The following LMF1 variants were observed in gnomAD, a reference collection of about 807,000 sequenced individuals.
LMF1 encodes lipase maturation factor 1, also known as transmembrane protein 112.
In LMF1, 68 loss-of-function variants were observed where a neutral mutation model predicts 60.6. That is an observed-to-expected ratio of 1.12 (90% CI 0.92 to 1.37). LMF1 has a LOEUF of 1.37. Among genes scored for constraint, LMF1 ranks in the 40% most tolerant of loss-of-function variants. LMF1 has a pLI of 0.00. For missense variants in LMF1, 948 were observed against 767.2 expected, an observed-to-expected ratio of 1.24 and a Z score of -2.78; for synonymous variants, 418 against 324.7, an observed-to-expected ratio of 1.29 and a Z score of -3.09.
At chr16:895,726 G>T (rs1019456723) in intron 4 of LMF1, among the ~76,000 whole-genome samples, 1 of 152,192 alleles carries the variant, frequency 6.6e-6, no homozygotes, top group Non-Finnish European at 1.5e-5. Context: ...AACGGCAGGG[G>T]AGTGGGACCA....
Position 854,950 on chromosome 16 carries a change from G to T in LMF1, c.1530-244C>A. On this transcript the variant is annotated intron_variant, in intron 10 of 10. Transcript: ENST00000262301. ...GGAAGGGCGGACGGGGGGCAGCTCC[G>T]GGAGGGGAGACCCAGCAGGGCCCAC... 5 of 577,986 alleles carry T rather than the reference G, an allele frequency of 8.7e-6. No individual in the cohort carries two copies. In the South Asian group the frequency reaches 9.9e-5, roughly 11 times the overall value. The allele number at this position is 577,986 out of a possible 1,614,324, so 35.8% of individuals were successfully genotyped here.
intron 6 of LMF1, among the ~76,000 whole-genome samples, chr16:875,718 G>T (rs1368893236): frequency 1.3e-5 from 2 of 152,110 alleles, no homozygotes; most frequent in Non-Finnish European, 2.9e-5. Flanking sequence ...CCTGGGCTGT[G>T]TGTCCAGGGG....
At chr16:931,161 C>T (rs944810331) in intron 3 of LMF1, among the ~76,000 whole-genome samples, 61 of 152,132 alleles carry the variant, frequency 4.0e-4, no homozygotes, top group African/African-American at 1.4e-3. Flanking sequence ...GGGGAAGCCA[C>T]AGCTACATGC....
At chr16:938,036 C>A (rs1354318890) in intron 2 of LMF1, among the ~76,000 whole-genome samples, 9 of 145,814 alleles carry the variant, frequency 6.2e-5, no homozygotes, top group African/African-American at 1.3e-4. Flanking sequence ...CAGAAGTTAC[C>A]AAAAAAAAAA....
chr16:980,109 A>C (rs890932936), intron 1 of LMF1: 24 of 279,832 alleles, frequency 8.6e-5, no homozygotes, highest in Admixed American at 7.8e-4. Flanking sequence ...CCGTCTCCCC[A>C]CCGCTGCTTC....
chr16:906,353 G>T (rs534170848), intron 4 of LMF1, among the ~76,000 whole-genome samples: 3 of 152,284 alleles, frequency 2.0e-5, no homozygotes, highest in South Asian at 4.1e-4. Flanking sequence ...TTGGGTCAGG[G>T]GGCTGGGGAA....
chr16:879,475 G>A, intron 6 of LMF1, 95 bp downstream of exon 6: 3 of 1,427,282 alleles, frequency 2.1e-6, no homozygotes, highest in Non-Finnish European at 2.9e-6. Flanking sequence ...GGCCTGTAAT[G>A]CCCCAGGGTC....
chr16:959,355 C>T lies in LMF1; in HGVS notation c.194-4689G>A, dbSNP rs554584737. ...TGCGTGATTTCATTCGTATGTCACA[C>T]TGGAAAAGGCAAAACCAGAGGGACG... On this transcript the variant is annotated intron_variant, in intron 1 of 10. Coordinates refer to ENST00000262301, the MANE Select transcript of LMF1 (RefSeq NM_022773.4). Among the ~76,000 whole-genome samples, 40 of 152,304 alleles carry T rather than the reference C, an allele frequency of 2.6e-4. 1 individual carries two copies. The highest frequency in any genetic ancestry group is 9.1e-4 in the African/African-American group (38 of 41,562).
chr16:895,794 A>T (rs1172312872), intron 4 of LMF1, among the ~76,000 whole-genome samples: 3 of 152,190 alleles, frequency 2.0e-5, no homozygotes, highest in Admixed American at 6.5e-5. Context: ...TCCTCACGTC[A>T]CGTGAGCCAG....
At chr16:899,176 C>A (rs2070741679) in intron 4 of LMF1, 1 of 152,236 alleles carries the variant, frequency 6.6e-6, no homozygotes, top group Non-Finnish European at 1.5e-5. Flanking sequence ...GCGAGGAGCA[C>A]CCCGGCTCCT....
At chr16:966,620 C>G (rs968734772) in intron 1 of LMF1, among the ~76,000 whole-genome samples, 1 of 151,984 alleles carries the variant, frequency 6.6e-6, no homozygotes, top group Non-Finnish European at 1.5e-5. Flanking sequence ...ATATATACTC[C>G]GTGGCTGCCT....
Position 854,720 on chromosome 16 carries a change from CAT to C in LMF1, c.1530-16_1530-15del, listed in dbSNP as rs1190216640. 1 of 1,572,706 alleles carries C rather than the reference CAT, an allele frequency of 6.4e-7. No homozygotes were observed. Among genetic ancestry groups the C allele is most frequent in the African/African-American group, 1.4e-5 (1 of 74,054 alleles). ...CCTCGGACCCACCTGCAAGGGGGCA[CAT>C]GTCAGCCCAGGGCCTGCTGGGACTC... On this transcript the variant is annotated splice_polypyrimidine_tract_variant and intron_variant, in intron 10 of 10. Transcript: ENST00000262301.
At chr16:931,470 G>A (rs2071781914) in intron 3 of LMF1, among the ~76,000 whole-genome samples, 1 of 152,264 alleles carries the variant, frequency 6.6e-6, no homozygotes, top group Non-Finnish European at 1.5e-5. Flanking sequence ...GATGGACACA[G>A]ACGCACACGC....
intron 1 of LMF1, chr16:979,799 G>C (rs1295044784): frequency 2.2e-6 from 1 of 453,628 alleles, no homozygotes; most frequent in Non-Finnish European, 4.4e-6. Flanking sequence ...GGCACAGTTT[G>C]GACCGGACCC....
At chr16:928,209 G>T (rs1451791584) in intron 3 of LMF1, among the ~76,000 whole-genome samples, 4 of 152,176 alleles carry the variant, frequency 2.6e-5, no homozygotes, top group African/African-American at 9.7e-5. Flanking sequence ...GGCCCCCCCA[G>T]CCTCCACGTG....
At chr16:925,761 T>C (rs936353500) in intron 3 of LMF1, among the ~76,000 whole-genome samples, 5 of 152,192 alleles carry the variant, frequency 3.3e-5, no homozygotes, top group Non-Finnish European at 5.9e-5. Context: ...TATATATGCT[T>C]TTCTTCTAGG....
At chr16:856,122 C>G (rs1378708439) in intron 10 of LMF1, 2 of 372,574 alleles carry the variant, frequency 5.4e-6, no homozygotes, top group African/African-American at 4.2e-5. Context: ...ACCTCCCGGG[C>G]AGCCAAGACT....
intron 4 of LMF1, among the ~76,000 whole-genome samples, chr16:909,318 A>G (rs992997333): frequency 6.6e-6 from 1 of 152,146 alleles, no homozygotes; most frequent in Non-Finnish European, 1.5e-5. Context: ...CGAGATGGAA[A>G]GAAGAGCTAT....
chr16:869,126 G>A (rs1443803642), intron 9 of LMF1, 70 bp from the exon 10 acceptor site: 10 of 1,013,672 alleles, frequency 9.9e-6, no homozygotes, highest in Admixed American at 6.8e-5. Context: ...CCGGACGCTC[G>A]GCTGTGCCCT....
Sources: allele counts gnomAD v4.1 joint callset (sites outside exome capture counted in the v4.1 genomes callset), GRCh38; gene constraint gnomAD v4.1.1; transcripts MANE v1.5; gene names NCBI Gene and HGNC (gene_info 2026-07-23, HGNC 2026-07-21).